PRTG: variants seen among roughly 807,000 people sequenced by gnomAD.
PRTG encodes the protein immunoglobulin superfamily, DCC subclass, member 5.
A neutral mutation model predicts 122.5 loss-of-function variants in PRTG; 67 were observed. That is an observed-to-expected ratio of 0.55 (90% CI 0.45 to 0.67). The LOEUF is 0.67. PRTG is among the 30% of genes least tolerant of loss of function. The pLI is 0.00. For missense variants in PRTG, 1,435 were observed against 1,415.4 expected, an observed-to-expected ratio of 1.01 and a Z score of -0.22; for synonymous variants, 554 against 501.1, an observed-to-expected ratio of 1.11 and a Z score of -1.41.
At chr15:55,665,732 G>C (rs577108729) in intron 11 of PRTG, among the ~76,000 whole-genome samples, 9 of 151,966 alleles carry the variant, frequency 5.9e-5, no homozygotes, top group African/African-American at 2.2e-4. Flanking sequence ...TTTTAGTAGA[G>C]ACAGGGTTAT....
intron 8 of PRTG, among the ~76,000 whole-genome samples, chr15:55,677,223 C>T (rs886407176): frequency 2.8e-4 from 42 of 152,092 alleles, no homozygotes; most frequent in Admixed American, 6.6e-5. Context: ...TTGGAAGACA[C>T]ATTTGATTTC....
intron 11 of PRTG, among the ~76,000 whole-genome samples, chr15:55,663,152 T>C (rs1434756189): frequency 6.6e-6 from 1 of 152,206 alleles, no homozygotes; most frequent in Non-Finnish European, 1.5e-5. Context: ...ATCGAGCACT[T>C]ACTATGTACC....
chr15:55,659,629 C>T (rs2059398382), intron 11 of PRTG, among the ~76,000 whole-genome samples: 1 of 152,062 alleles, frequency 6.6e-6, no homozygotes, highest in South Asian at 2.1e-4. Flanking sequence ...AATGGGTAAT[C>T]ACTTAACCTG....
Position 55,743,054 on chromosome 15 carries a change from C to A in PRTG, c.-123G>T. Reference sequence around the variant, plus strand: ...GCAGCCTGGCTCCCCGCTCCGGCTCCGGCACCGGCGTGGCGAGCGTCTCTG... The same window carrying A: ...GCAGCCTGGCTCCCCGCTCCGGCTCAGGCACCGGCGTGGCGAGCGTCTCTG... On this transcript the variant is annotated 5_prime_UTR_variant, in exon 1 of 20. Transcript: ENST00000389286. The A allele has an allele frequency of 7.7e-7, 1 of 1,306,368 alleles. No individual in the cohort carries two copies. Among genetic ancestry groups the A allele is most frequent in the Non-Finnish European group, 9.7e-7 (1 of 1,032,210 alleles). The allele number at this position is 1,306,368 out of a possible 1,614,324, so 80.9% of individuals were successfully genotyped here.
chr15:55,700,301 C>A (rs1185303349), intron 2 of PRTG, among the ~76,000 whole-genome samples: 1 of 152,012 alleles, frequency 6.6e-6, no homozygotes, highest in East Asian at 1.9e-4. Flanking sequence ...ATACTTTATA[C>A]CTTACGCAAA....
intron 16 of PRTG, among the ~76,000 whole-genome samples, chr15:55,627,495 T>A (rs927822682): frequency 7.0e-6 from 1 of 143,330 alleles, no homozygotes; most frequent in Admixed American, 6.9e-5. Flanking sequence ...CAGCTAAGTT[T>A]TTTTTTTTTT....
intron 15 of PRTG, among the ~76,000 whole-genome samples, chr15:55,631,659 T>C (rs1424576186): frequency 1.3e-5 from 2 of 152,212 alleles, no homozygotes; most frequent in Non-Finnish European, 2.9e-5. Context: ...TCAGTCAGAC[T>C]AGGAATCTTA....
At chr15:55,620,535 T>G in intron 19 of PRTG, 128 bp downstream of exon 19, 2 of 1,374,134 alleles carry the variant, frequency 1.5e-6, no homozygotes, top group East Asian at 2.5e-5. Flanking sequence ...ATGCCCCAAA[T>G]TAATAAAATC....
At chr15:55,688,398 T>C (rs2059582209) in intron 2 of PRTG, among the ~76,000 whole-genome samples, 1 of 138,808 alleles carries the variant, frequency 7.2e-6, no homozygotes, top group South Asian at 2.8e-4. Context: ...TCTTTTTTGG[T>C]GATTATATCC....
intron 2 of PRTG, among the ~76,000 whole-genome samples, chr15:55,730,724 C>T (rs1255345064): frequency 2.0e-5 from 3 of 152,022 alleles, no homozygotes; most frequent in African/African-American, 4.8e-5. Flanking sequence ...GGCATGCACC[C>T]GGGAGGCGGA....
chr15:55,640,353 TTATGGGACCACTGTCACA>T (rs2059282716), intron 12 of PRTG, among the ~76,000 whole-genome samples: 2 of 152,354 alleles, frequency 1.3e-5, no homozygotes, highest in Non-Finnish European at 1.5e-5. Flanking sequence ...CATTATAATT[TTATGGGACCACTGTCACA>T]TATGTGGTCC....
At chr15:55,741,099 G>C (rs1000701525) in intron 1 of PRTG, among the ~76,000 whole-genome samples, 1 of 152,192 alleles carries the variant, frequency 6.6e-6, no homozygotes, top group African/African-American at 2.4e-5. Flanking sequence ...CTGTGAACAA[G>C]CAAGTTTATT....
At chr15:55,640,969 C>CA (rs1000513835) in intron 12 of PRTG, 144 bp downstream of exon 12, 3 of 520,368 alleles carry the variant, frequency 5.8e-6, no homozygotes, top group East Asian at 3.2e-5. Flanking sequence ...ACAAACAAAA[C>CA]AAAAAAACTA....
intron 15 of PRTG, among the ~76,000 whole-genome samples, chr15:55,629,292 A>G (rs1160491859): frequency 2.0e-5 from 3 of 151,832 alleles, no homozygotes; most frequent in Admixed American, 6.6e-5. Flanking sequence ...CATTTCCCCA[A>G]TATAATCCTT....
intron 2 of PRTG, among the ~76,000 whole-genome samples, chr15:55,735,578 T>C (rs767909618): frequency 6.2e-4 from 94 of 150,652 alleles, no homozygotes; most frequent in Admixed American, 7.9e-4. Flanking sequence ...TCAGAGATAG[T>C]TGACAAAAAG....
chr15:55,709,110 C>A (rs1188829442), intron 2 of PRTG, among the ~76,000 whole-genome samples: 1 of 132,306 alleles, frequency 7.6e-6, no homozygotes, highest in Non-Finnish European at 1.5e-5. Context: ...TGCGCCACTG[C>A]ACTCCAGCCT....
intron 11 of PRTG, among the ~76,000 whole-genome samples, chr15:55,641,771 A>T (rs76817598): frequency 0.092 from 14,025 of 152,234 alleles, 1,043 homozygotes; most frequent in East Asian, 0.39. Flanking sequence ...CTCAAGTGCG[A>T]ACTTCACCAA....
chr15:55,622,897 A>G (rs2059174847), intron 18 of PRTG, among the ~76,000 whole-genome samples: 2 of 152,118 alleles, frequency 1.3e-5, no homozygotes, highest in Admixed American at 1.3e-4. Context: ...GATCAATTTG[A>G]AATAAGTTGA....
intron 9 of PRTG, 78 bp from the exon 10 acceptor site, chr15:55,673,754 C>T (rs190859110): frequency 1.8e-6 from 2 of 1,087,852 alleles, no homozygotes; most frequent in Admixed American, 2.0e-5. Context: ...ACTGAATTCT[C>T]TTAATTAGCA....
Sources: allele counts gnomAD v4.1 joint callset (sites outside exome capture counted in the v4.1 genomes callset), GRCh38; gene constraint gnomAD v4.1.1; transcripts MANE v1.5; gene names NCBI Gene and HGNC (gene_info 2026-07-23, HGNC 2026-07-21).